Variants in STK10 observed in about 807,000 individuals in gnomAD.
STK10 encodes the protein serine/threonine kinase 10, also known as serine/threonine-protein kinase 10.
STK10 carries 78 observed loss-of-function variants against 113.8 expected under a neutral mutation model. That is an observed-to-expected ratio of 0.69 (90% CI 0.57 to 0.83). The LOEUF (loss-of-function observed/expected upper bound fraction) is 0.83, where lower values mean the gene tolerates loss of function less well. Among genes scored for constraint, STK10 ranks in the 40% least tolerant of loss-of-function variants. The probability of loss-of-function intolerance (pLI) is 0.00; values close to 1 mark genes in which losing one functional copy is unlikely to be tolerated. For missense variants in STK10, 1,109 were observed against 1,280.1 expected, an observed-to-expected ratio of 0.87 and a Z score of 2.04; for synonymous variants, 465 against 494.7, an observed-to-expected ratio of 0.94 and a Z score of 0.80.
chr5:172,143,380 A>G (rs529401593), intron 2 of STK10, among the ~76,000 whole-genome samples: 3 of 152,298 alleles, frequency 2.0e-5, no homozygotes, highest in Admixed American at 2.0e-4. Flanking sequence ...CAAAACAAAA[A>G]AAAAGAAAGA....
chr5:172,106,436 A>G (rs1245516249), intron 6 of STK10, among the ~76,000 whole-genome samples, 184 bp downstream of exon 6: 1 of 145,108 alleles, frequency 6.9e-6, no homozygotes, highest in Non-Finnish European at 1.5e-5. Context: ...AAAGGGAAAA[A>G]GAGGCACGAA....
chr5:172,102,241 G>A (rs1769006209), intron 7 of STK10, among the ~76,000 whole-genome samples: 2 of 152,196 alleles, frequency 1.3e-5, no homozygotes, highest in African/African-American at 4.8e-5. Context: ...CGTACCGAAT[G>A]CAGGGACAAC....
At chr5:172,167,172 G>GA (rs1334826225) in intron 1 of STK10, among the ~76,000 whole-genome samples, 1 of 146,652 alleles carries the variant, frequency 6.8e-6, no homozygotes, top group South Asian at 2.1e-4. Flanking sequence ...AAAAAAAAAA[G>GA]AAAAAAAAGA....
Position 172,045,029 on chromosome 5 carries a change from A to G in STK10, c.2767-7T>C. The G allele has an allele frequency of 6.2e-7, 1 of 1,613,886 alleles. No individual in the cohort carries two copies. Among genetic ancestry groups the G allele is most frequent in the Non-Finnish European group, 8.5e-7 (1 of 1,179,960 alleles). ...TCAGATCCTCTTCCAGAGCCTAGGG[A>G]AGAGAGAGGATGGATGGCACTTGGT... On this transcript the variant is annotated splice_region_variant and splice_polypyrimidine_tract_variant and intron_variant, in intron 18 of 18. Coordinates refer to ENST00000176763, the MANE Select transcript of STK10 (RefSeq NM_005990.4).
At position 172,133,028 on chromosome 5, in the gene STK10, T is replaced by C. The variant is rs1405833703; in HGVS notation, c.322-5607A>G. 6.6e-6 allele frequency among the ~76,000 whole-genome samples: 1 copy of C among 152,140 alleles called. No homozygotes were observed. The highest frequency in any genetic ancestry group is 1.5e-5 in the Non-Finnish European group (1 of 68,010). On this transcript the variant is annotated intron_variant, in intron 2 of 18. Coordinates refer to ENST00000176763, the MANE Select transcript of STK10 (RefSeq NM_005990.4). This position sits in a 1 kb window ranked among gnomAD's most constrained non-coding sequence, Gnocchi z 4.9. Reference sequence around the variant, plus strand: ...ACCACGTGGGGAAGGGTAAAGGCACTCCTGGCAGAACACAGAAGCAGAGGT... The same window carrying C: ...ACCACGTGGGGAAGGGTAAAGGCACCCCTGGCAGAACACAGAAGCAGAGGT...
chr5:172,059,072 A>G (rs1767872273), intron 14 of STK10, among the ~76,000 whole-genome samples: 1 of 151,386 alleles, frequency 6.6e-6, no homozygotes, highest in Non-Finnish European at 1.5e-5. Context: ...AAATACAAAA[A>G]AAAAAAAATT....
chr5:172,144,542 C>T (rs1251549983), intron 2 of STK10, among the ~76,000 whole-genome samples: 1 of 152,166 alleles, frequency 6.6e-6, no homozygotes, highest in Non-Finnish European at 1.5e-5. Flanking sequence ...CCCAGAATCT[C>T]CCCATCTCTG....
intron 1 of STK10, among the ~76,000 whole-genome samples, chr5:172,185,663 C>T (rs192064984): frequency 2.7e-4 from 41 of 152,314 alleles, no homozygotes; most frequent in African/African-American, 9.9e-4. Flanking sequence ...GTCCAGCTGC[C>T]CTCACAGTAG....
intron 12 of STK10, among the ~76,000 whole-genome samples, chr5:172,070,698 T>G (rs1768158339): frequency 6.6e-6 from 1 of 151,270 alleles, no homozygotes; most frequent in Non-Finnish European, 1.5e-5. Context: ...ATAAGGTCAA[T>G]AAAATTAATA....
chr5:172,108,263 G>A (rs3103585), intron 4 of STK10: 149,573 of 154,814 alleles, frequency 0.97, 72,292 homozygotes, highest in East Asian at 1. Context: ...GTGACACACT[G>A]AAAACAACCA....
chr5:172,102,465 G>A (rs1035213812), intron 7 of STK10, among the ~76,000 whole-genome samples: 4 of 152,210 alleles, frequency 2.6e-5, no homozygotes, highest in African/African-American at 7.2e-5. Context: ...GACGCGGGCC[G>A]AGGCATGGAG....
At chr5:172,086,445 G>A (rs1287079275) in intron 10 of STK10, among the ~76,000 whole-genome samples, 1 of 152,200 alleles carries the variant, frequency 6.6e-6, no homozygotes, top group Non-Finnish European at 1.5e-5. Context: ...AAAGAAGGCA[G>A]GCAGCCAGCT....
chr5:172,139,493 G>GGA (rs1554121926), intron 2 of STK10, among the ~76,000 whole-genome samples: 13 of 106,602 alleles, frequency 1.2e-4, no homozygotes, highest in African/African-American at 3.8e-4. Context: ...CCCATCTCTG[G>GGA]AAAAAAAAAA....
intron 6 of STK10, among the ~76,000 whole-genome samples, 166 bp downstream of exon 6, chr5:172,106,454 G>GC (rs1769112843): frequency 1.0e-5 from 1 of 96,130 alleles, no homozygotes; most frequent in Non-Finnish European, 2.0e-5. Flanking sequence ...GAAGGGCCCG[G>GC]GGGGGCTCAG....
At chr5:172,086,491 A>C (rs1363050871) in intron 10 of STK10, among the ~76,000 whole-genome samples, 1 of 152,236 alleles carries the variant, frequency 6.6e-6, no homozygotes, top group Non-Finnish European at 1.5e-5. Context: ...TCTCAGAAGG[A>C]AAGGCAAGCA....
chr5:172,052,331 C>T (rs1004765053), intron 18 of STK10, among the ~76,000 whole-genome samples: 6 of 152,072 alleles, frequency 3.9e-5, no homozygotes, highest in Non-Finnish European at 7.4e-5. Context: ...TGGATTCTGT[C>T]GAAAGCTGAA....
At chr5:172,147,553 A>G (rs1200377541) in intron 2 of STK10, among the ~76,000 whole-genome samples, 8 of 152,066 alleles carry the variant, frequency 5.3e-5, no homozygotes, top group East Asian at 3.9e-4. Flanking sequence ...CACCATGCCC[A>G]GCTAATCTTT....
At chr5:172,145,347 C>G (rs993007156) in intron 2 of STK10, among the ~76,000 whole-genome samples, 2 of 151,894 alleles carry the variant, frequency 1.3e-5, no homozygotes, top group African/African-American at 4.8e-5. Context: ...AAAAGCACAC[C>G]AGCTGTTGGA....
chr5:172,045,105 A>G lies in STK10; in HGVS notation c.2767-83T>C, dbSNP rs1222910425. 7 of 1,563,976 alleles carry G rather than the reference A, an allele frequency of 4.5e-6. No individual in the cohort carries two copies. The Admixed American group carries it at 8.8e-5, about 20-fold the overall frequency. On this transcript the variant is annotated intron_variant, in intron 18 of 18. Coordinates refer to ENST00000176763, the MANE Select transcript of STK10 (RefSeq NM_005990.4). ...TCCCACTCACAGGACCCCCACTGAC[A>G]TGGCCTTCTCTGGAACATTCCCTTC...
Sources: allele counts gnomAD v4.1 joint callset (sites outside exome capture counted in the v4.1 genomes callset), GRCh38; gene constraint gnomAD v4.1.1; non-coding constraint Gnocchi (gnomAD v3.1); transcripts MANE v1.5; gene names NCBI Gene and HGNC (gene_info 2026-07-23, HGNC 2026-07-21).